The following CNOT6 variants were observed in gnomAD, a reference collection of about 807,000 sequenced individuals.
The protein encoded by CNOT6 is carbon catabolite repression 4 protein.
CNOT6 carries 12 observed loss-of-function variants against 61.2 expected under a neutral mutation model. The ratio of observed to expected loss-of-function variants is 0.20; its 90% confidence interval spans 0.13 to 0.32. CNOT6 has a LOEUF of 0.32. CNOT6 is among the 10% of genes least tolerant of loss of function. CNOT6 has a pLI of 1.00. For synonymous variants in CNOT6, 225 were observed against 240.6 expected (o/e 0.94, Z 0.60); for missense variants, 405 against 663.9 (o/e 0.61, Z 4.28).
intron 1 of CNOT6, among the ~76,000 whole-genome samples, chr5:180,497,006 AT>A (rs1317404630): frequency 6.6e-6 from 1 of 152,158 alleles, no homozygotes; most frequent in African/African-American, 2.4e-5. Flanking sequence ...CGTTGTAGGA[AT>A]TTGCCCACTG....
intron 3 of CNOT6, among the ~76,000 whole-genome samples, chr5:180,550,841 G>A (rs1759559629): frequency 6.6e-6 from 1 of 152,232 alleles, no homozygotes; most frequent in South Asian, 2.1e-4. Flanking sequence ...GCCTGGACTT[G>A]AAGGAGCTAT....
chr5:180,558,429 T>C (rs1760006126), intron 4 of CNOT6, among the ~76,000 whole-genome samples: 2 of 151,090 alleles, frequency 1.3e-5, no homozygotes, highest in African/African-American at 4.9e-5. Flanking sequence ...CTCCTCACAG[T>C]GTGACCTAAA....
Position 180,552,112 on chromosome 5 carries a change from G to A in CNOT6, c.300-1274G>A, listed in dbSNP as rs909370000. Among the ~76,000 whole-genome samples, 18 of 151,464 alleles carry A rather than the reference G, an allele frequency of 1.2e-4. 2 individuals carry two copies. Among genetic ancestry groups the A allele is most frequent in the African/African-American group, 4.4e-4 (18 of 41,350 alleles). On this transcript the variant is annotated intron_variant, in intron 3 of 11. Coordinates refer to ENST00000261951, the MANE Select transcript of CNOT6 (RefSeq NM_001370472.1). ...TCAAACTCCTGACCTCAAATGATCT[G>A]CCTGCCTCGGCCTCCCAAAGTGCTG...
Position 180,569,091 on chromosome 5 carries a change from T to C in CNOT6, c.1028-19T>C, listed in dbSNP as rs1340052698. ...GGCGGGTTTTGTCTCTTTCTTTGTT[T>C]CGTTTTTATCTAATGTAGCCGGAAA... On this transcript the variant is annotated intron_variant, in intron 9 of 11. Transcript: ENST00000261951. 1 of 1,589,458 alleles carries C rather than the reference T, an allele frequency of 6.3e-7. No homozygotes were observed. Among genetic ancestry groups the C allele is most frequent in the Non-Finnish European group, 8.6e-7 (1 of 1,159,968 alleles).
chr5:180,567,076 A>G lies in CNOT6; in HGVS notation c.718-12A>G, dbSNP rs1334766887. The G allele has an allele frequency of 1.3e-6, 2 of 1,597,118 alleles. No homozygotes were observed. The highest frequency in any genetic ancestry group is 1.8e-5 in the Admixed American group (1 of 54,672). On this transcript the variant is annotated splice_polypyrimidine_tract_variant and intron_variant, in intron 7 of 11. Coordinates refer to ENST00000261951, the MANE Select transcript of CNOT6 (RefSeq NM_001370472.1). ...GTCTTATGAAATAACTGTGCTGTTTACAACTTTTCAGGAGGTTGAAACGGA... is the reference window on the plus strand; with the variant it reads ...GTCTTATGAAATAACTGTGCTGTTTGCAACTTTTCAGGAGGTTGAAACGGA...
intron 4 of CNOT6, among the ~76,000 whole-genome samples, chr5:180,563,912 C>T (rs1221892523): frequency 4.6e-5 from 7 of 151,486 alleles, no homozygotes; most frequent in Non-Finnish European, 8.8e-5. Flanking sequence ...ATTGAATTTA[C>T]AGATGGCTCA....
At chr5:180,505,307 C>G (rs11740977) in intron 1 of CNOT6, among the ~76,000 whole-genome samples, 26,916 of 67,012 alleles carry the variant, frequency 0.4, 7,745 homozygotes, top group Non-Finnish European at 0.52. Flanking sequence ...CCAGTCTGGA[C>G]TGCAGTGGCG....
At chr5:180,511,504 G>A (rs1471889319) in intron 1 of CNOT6, among the ~76,000 whole-genome samples, 1 of 152,020 alleles carries the variant, frequency 6.6e-6, no homozygotes, top group East Asian at 1.9e-4. Context: ...CCAGCTACTC[G>A]GGAGGCTGAG....
At chr5:180,532,543 A>G (rs1758447050) in intron 2 of CNOT6, among the ~76,000 whole-genome samples, 2 of 152,170 alleles carry the variant, frequency 1.3e-5, no homozygotes, top group Non-Finnish European at 2.9e-5. Context: ...ACAGTCATCA[A>G]CACAAAAGAA....
intron 10 of CNOT6, 77 bp from the exon 11 acceptor site, chr5:180,571,153 A>G (rs1760727504): frequency 3.9e-6 from 4 of 1,018,412 alleles, no homozygotes; most frequent in Non-Finnish European, 5.9e-6. Flanking sequence ...ATAGTTTAAA[A>G]CTTCTTACTA....
chr5:180,530,758 T>A (rs1274529824), intron 2 of CNOT6, among the ~76,000 whole-genome samples: 2 of 152,048 alleles, frequency 1.3e-5, no homozygotes, highest in Non-Finnish European at 2.9e-5. Flanking sequence ...GATTAGGGAG[T>A]GGTGATGACT....
At chr5:180,549,502 T>C (rs1759487744) in intron 2 of CNOT6, among the ~76,000 whole-genome samples, 2 of 151,928 alleles carry the variant, frequency 1.3e-5, no homozygotes, top group African/African-American at 4.8e-5. Flanking sequence ...AGAGAAAAAT[T>C]AGCCGGGCAT....
chr5:180,520,072 G>A (rs1757815116), intron 1 of CNOT6, among the ~76,000 whole-genome samples: 1 of 152,042 alleles, frequency 6.6e-6, no homozygotes, highest in Non-Finnish European at 1.5e-5. Flanking sequence ...GACCTCAAGT[G>A]ATCTGCCTGC....
chr5:180,547,520 A>G (rs950066760), intron 2 of CNOT6, among the ~76,000 whole-genome samples: 3 of 151,906 alleles, frequency 2.0e-5, no homozygotes, highest in Non-Finnish European at 2.9e-5. Flanking sequence ...ACTCCATGAA[A>G]AAAAAGAGAA....
intron 11 of CNOT6, 131 bp from the exon 12 acceptor site, chr5:180,573,857 A>G: frequency 1.5e-6 from 1 of 665,700 alleles, no homozygotes. Context: ...TACAGACCTC[A>G]TCCTACAAGC....
At position 180,504,392 on chromosome 5, in the gene CNOT6, C is replaced by G. The variant is rs541505153; in HGVS notation, c.-3+9629C>G. On this transcript the variant is annotated intron_variant, in intron 1 of 11. Coordinates refer to ENST00000261951, the MANE Select transcript of CNOT6 (RefSeq NM_001370472.1). The stretch of plus-strand genomic sequence containing the variant: ...TGATTGCTCATACATTACAACTTCC[C>G]AAGTCATTGTGTATCTGAATTGGCA... Among the ~76,000 whole-genome samples the G allele has an allele frequency of 1.4e-4, 21 of 152,168 alleles. No homozygotes were observed. The South Asian group carries it at 4.1e-3, about 30-fold the overall frequency.
At chr5:180,537,040 C>G (rs1758730942) in intron 2 of CNOT6, among the ~76,000 whole-genome samples, 1 of 152,102 alleles carries the variant, frequency 6.6e-6, no homozygotes, top group Non-Finnish European at 1.5e-5. Flanking sequence ...GTTTATTTAC[C>G]CAGTCACCTA....
chr5:180,563,203 C>A (rs1281592335), intron 4 of CNOT6, among the ~76,000 whole-genome samples: 3 of 149,808 alleles, frequency 2.0e-5, no homozygotes, highest in African/African-American at 7.4e-5. Flanking sequence ...TCGGCCTTGG[C>A]CTTTCCTGTT....
Position 180,550,064 on chromosome 5 carries a change from A to G in CNOT6, c.246A>G (p.Ser82=). Residue 82 remains serine, a synonymous_variant, in exon 3 of 12, where the codon TCA becomes TCG. Transcript: ENST00000261951. ...KLHNLVYLDL[S]SNKIRSLPAE... is the part of the protein sequence containing the mutation. Reference sequence around the variant, plus strand: ...ACAATCTGGTGTATTTGGACCTGTCATCTAATAAAATTCGTAGCTTACCCG... The same window carrying G: ...ACAATCTGGTGTATTTGGACCTGTCGTCTAATAAAATTCGTAGCTTACCCG... 1.9e-6 allele frequency: 3 copies of G among 1,614,170 alleles called. No individual in the cohort carries two copies. The highest frequency in any genetic ancestry group is 2.5e-6 in the Non-Finnish European group (3 of 1,179,996).
Sources: allele counts gnomAD v4.1 joint callset (sites outside exome capture counted in the v4.1 genomes callset), GRCh38; gene constraint gnomAD v4.1.1; transcripts MANE v1.5; gene names NCBI Gene and HGNC (gene_info 2026-07-23, HGNC 2026-07-21).